Variants in CSPG4 observed in about 807,000 individuals in gnomAD.
CSPG4 encodes chondroitin sulfate proteoglycan 4 (melanoma-associated).
CSPG4 carries 74 observed loss-of-function variants against 139.3 expected under a neutral mutation model. That is an observed-to-expected ratio of 0.53 (90% CI 0.44 to 0.64). The LOEUF (loss-of-function observed/expected upper bound fraction) is 0.64, where lower values mean the gene tolerates loss of function less well. Among genes scored for constraint, CSPG4 ranks in the 30% least tolerant of loss-of-function variants. The pLI, the probability that CSPG4 is intolerant of heterozygous loss-of-function variation, is 0.00. For missense variants in CSPG4, 2,565 were observed against 3,148.3 expected (o/e 0.81, Z 4.43); for synonymous variants, 1,234 against 1,394.2 (o/e 0.89, Z 2.56).
At chr15:75,692,022 C>T (rs1014220448) in intron 2 of CSPG4, among the ~76,000 whole-genome samples, 1 of 152,142 alleles carries the variant, frequency 6.6e-6, no homozygotes, top group Non-Finnish European at 1.5e-5. Context: ...GTTCTTGTTG[C>T]CCAGGCTGAA....
intron 1 of CSPG4, among the ~76,000 whole-genome samples, chr15:75,706,950 GA>G (rs1377165645): frequency 7.6e-6 from 1 of 132,302 alleles, no homozygotes; most frequent in Non-Finnish European, 1.6e-5. Context: ...TCACACATAA[GA>G]ACTTTTTTTT....
Position 75,688,991 on chromosome 15 carries a change from C to T in CSPG4, c.2074G>A (p.Ala692Thr). 3 of 1,612,428 alleles carry T rather than the reference C, an allele frequency of 1.9e-6. No individual in the cohort carries two copies. The highest frequency in any genetic ancestry group is 1.7e-6 in the Non-Finnish European group (2 of 1,180,024). ...LPANLSVETN[A>T]VGQDVSVLFR... ...AGCACGCTCACATCCTGCCCCACGG[C>T]ATTGGTCTCCACCGACAGGTTGGCG... is the stretch of plus-strand genomic sequence containing the variant. The change falls in exon 3 of 10, where the codon GCC becomes ACC. Residue 692 changes from alanine to threonine, a missense_variant. By Grantham distance (58) the Ala-to-Thr change is moderately conservative (BLOSUM62 0). This residue lies in a region of CSPG4 where 2,316 missense variants were observed against 2,818.2 expected (regional missense o/e 0.82). Transcript: ENST00000308508.
Position 75,684,917 on chromosome 15 carries a change from G to A in CSPG4, c.4273-5C>T. 6.2e-7 allele frequency: 1 copy of A among 1,605,564 alleles called. No homozygotes were observed. Among genetic ancestry groups the A allele is most frequent in the African/African-American group, 1.3e-5 (1 of 74,922 alleles). On this transcript the variant is annotated splice_polypyrimidine_tract_variant and splice_region_variant and intron_variant, in intron 4 of 9. Transcript: ENST00000308508. ...GCGGATCAGCTGCTCTTCCACCTAG[G>A]GGCAGGCCCAGGGCTGGCAGTCAGG...
rs772229061 is a variant in CSPG4, at chr15:75,676,744, G to A, written c.5775C>T (p.Ala1925=). The change falls in exon 10 of 10, where the codon GCC becomes GCT. Residue 1925 remains alanine, a synonymous_variant. Coordinates refer to ENST00000308508, the MANE Select transcript of CSPG4 (RefSeq NM_001897.5). The part of the protein sequence containing the change: ...GIFQLSMSDG[A]SPPLPMSLAV... ...CCAGGGACATGGGCAGGGGTGGGCTGGCCCCATCAGACATGCTCAGCTGGA... is the reference window on the plus strand; with the variant it reads ...CCAGGGACATGGGCAGGGGTGGGCTAGCCCCATCAGACATGCTCAGCTGGA... 2 of 1,570,224 alleles carry A rather than the reference G, an allele frequency of 1.3e-6. No homozygotes were observed. The highest frequency in any genetic ancestry group is 1.8e-5 in the Admixed American group (1 of 55,686).
intron 9 of CSPG4, 123 bp from the exon 10 acceptor site, chr15:75,677,507 G>A (rs1237175546): frequency 8.1e-7 from 1 of 1,235,292 alleles, no homozygotes; most frequent in East Asian, 2.7e-5. Flanking sequence ...GTCCTCCAGG[G>A]TGGGGCTCAG....
In CSPG4 at chr15:75,690,810, G is replaced by C. The variant is rs181392114; in HGVS notation, c.255C>G (p.Val85=). 8.1e-6 allele frequency: 13 copies of C among 1,602,302 alleles called. No individual in the cohort carries two copies. The highest frequency in any genetic ancestry group is 1.3e-5 in the African/African-American group (1 of 74,750). Residue 85 remains valine, a splice_region_variant and synonymous_variant, in exon 3 of 10, where the codon GTC becomes GTG. Transcript: ENST00000308508. ...LLQLYSGRLQ[V]RLVLGQEELR... ...GCTCCTCCTGGCCCAGAACAAGTCT[G>C]ACCTGAAGAGAGATGGGGAGTGGGA...
At position 75,687,225 on chromosome 15, in the gene CSPG4, G is replaced by A; in HGVS notation, c.3789+51C>T. On this transcript the variant is annotated intron_variant, in intron 3 of 9. Transcript: ENST00000308508. The surrounding 1 kb of genome is among the most constrained non-coding windows in gnomAD (Gnocchi z 5.4). Reference sequence around the variant, plus strand: ...TGTGTTCCTGGCATGGAGGCTGGGAGAAGGCCCTCTACCTGGCCCACACCC... The same window carrying A: ...TGTGTTCCTGGCATGGAGGCTGGGAAAAGGCCCTCTACCTGGCCCACACCC... 6.3e-7 allele frequency: 1 copy of A among 1,598,500 alleles called. No individual in the cohort carries two copies.
intron 1 of CSPG4, among the ~76,000 whole-genome samples, chr15:75,703,318 C>T (rs1397640577): frequency 1.1e-3 from 167 of 149,320 alleles, no homozygotes; most frequent in African/African-American, 3.3e-3. Flanking sequence ...ACTGAGAGAT[C>T]GGGGGTGCTC....
rs1189730819 is a variant in CSPG4, at chr15:75,676,337, A to C, written c.6182T>G (p.Leu2061Arg). 5 of 1,612,488 alleles carry C rather than the reference A, an allele frequency of 3.1e-6. No homozygotes were observed. The Admixed American group carries it at 6.7e-5, about 22-fold the overall frequency. Residue 2061 changes from leucine to arginine, a missense_variant, in exon 10 of 10, where the codon CTG becomes CGG. Coordinates refer to ENST00000308508, the MANE Select transcript of CSPG4 (RefSeq NM_001897.5). ...AGGPWPQGATLRLDPTVLDAG... is the reference protein window; with the variant it reads ...AGGPWPQGATRRLDPTVLDAG... ...ATCTAGGACGGTGGGGTCCAGGCGC[A>C]GGGTGGCACCCTGGGGCCATGGCCC...
At chr15:75,685,118 C>A in intron 4 of CSPG4, 101 bp downstream of exon 4, 1 of 1,450,854 alleles carries the variant, frequency 6.9e-7, no homozygotes, top group Non-Finnish European at 9.3e-7. Context: ...GACTCCCCGT[C>A]TCCTCTCTGT....
chr15:75,712,770 C>A lies in CSPG4; in HGVS notation c.-15G>T. 1.3e-6 allele frequency: 2 copies of A among 1,536,394 alleles called. No homozygotes were observed. The highest frequency in any genetic ancestry group is 1.8e-6 in the Non-Finnish European group (2 of 1,140,242). ...CCGGACTGCATCCCGGCGGGCTGGGCGGCAGGACTTGCGAGGAGCCAGCGG... is the reference window on the plus strand; with the variant it reads ...CCGGACTGCATCCCGGCGGGCTGGGAGGCAGGACTTGCGAGGAGCCAGCGG... On this transcript the variant is annotated 5_prime_UTR_variant, in exon 1 of 10. Coordinates refer to ENST00000308508, the MANE Select transcript of CSPG4 (RefSeq NM_001897.5).
At position 75,677,066 on chromosome 15, in the gene CSPG4, G is replaced by A. The variant is rs1401944287; in HGVS notation, c.5453C>T (p.Ser1818Leu). ...CCTCACCGTGATGGCAAAGGCCTCT[G>A]AGGTTTGGGGTCCAGCCACGGAGGC... The part of the protein sequence containing the change: ...AGASVAGPQT[S>L]EAFAITVRDV... Residue 1818 changes from serine (S) to leucine (L), a missense_variant, in exon 10 of 10, where the codon TCA becomes TTA. Ser to Leu is a moderately radical substitution (Grantham distance 145). Transcript: ENST00000308508. 4.2e-6 allele frequency: 6 copies of A among 1,419,526 alleles called. No individual in the cohort carries two copies. Among genetic ancestry groups the A allele is most frequent in the Non-Finnish European group, 4.6e-6 (5 of 1,081,324 alleles). The allele number at this position is 1,419,526 out of a possible 1,614,324, so 87.9% of individuals were successfully genotyped here.
intron 8 of CSPG4, chr15:75,679,149 A>T: frequency 5.5e-6 from 1 of 181,634 alleles, no homozygotes; most frequent in Non-Finnish European, 1.1e-5. Context: ...TGAACCCCAG[A>T]CTCATGTTTC....
rs749534021 is a variant in CSPG4, at chr15:75,685,479, A to T, written c.4012T>A (p.Ser1338Thr). ...CCCTCGAGGGGAGCACCCAGGCCTG[A>T]GGCCACATCCAGCGAGAAGGCATCG... ...WSDAFSLDVA[S>T]GLGAPLEGVL... The change falls in exon 4 of 10, where the codon TCA becomes ACA. Residue 1338 changes from serine (S) to threonine (T), a missense_variant. Physicochemically the swap from Ser to Thr is moderately conservative, Grantham distance 58. This residue lies in a region of CSPG4 where 2,316 missense variants were observed against 2,818.2 expected (regional missense o/e 0.82). Transcript: ENST00000308508. 9.3e-6 allele frequency: 15 copies of T among 1,611,958 alleles called. No homozygotes were observed. Among genetic ancestry groups the T allele is most frequent in the Admixed American group, 1.7e-5 (1 of 59,960 alleles).
chr15:75,684,661 C>T, intron 5 of CSPG4, 75 bp downstream of exon 5: 1 of 1,424,272 alleles, frequency 7.0e-7, no homozygotes, highest in Non-Finnish European at 9.7e-7. Context: ...GCTGGGGGAG[C>T]TCTGAGCCGC....
chr15:75,677,008 G>A lies in CSPG4; in HGVS notation c.5511C>T (p.Ala1837=), dbSNP rs2141420757. 1 of 1,448,926 alleles carries A rather than the reference G, an allele frequency of 6.9e-7. No individual in the cohort carries two copies. The highest frequency in any genetic ancestry group is 1.5e-5 in the South Asian group (1 of 68,000). The allele number at this position is 1,448,926 out of a possible 1,614,324, so 89.8% of individuals were successfully genotyped here. A position where few individuals can be genotyped will look rare whatever the true frequency, so the allele number is the denominator to read the frequency against. ...CTCGGGTGAGCCGGAGTGGGACAGA[G>A]GCCTGTGGCTGAGGGGGCCGCTCAT... ...DVNERPPQPQ[A]SVPLRLTRGS... The change falls in exon 10 of 10, where the codon GCC becomes GCT. Residue 1837 remains alanine (A), a synonymous_variant. Transcript: ENST00000308508.
chr15:75,709,420 G>A (rs1894415946), intron 1 of CSPG4, among the ~76,000 whole-genome samples: 1 of 152,156 alleles, frequency 6.6e-6, no homozygotes, highest in African/African-American at 2.4e-5. Context: ...CATGCCCACA[G>A]GCCCCTTGTT....
At chr15:75,695,713 A>G (rs1196614417) in intron 1 of CSPG4, among the ~76,000 whole-genome samples, 3 of 151,974 alleles carry the variant, frequency 2.0e-5, no homozygotes, top group African/African-American at 7.3e-5. Context: ...GTGCAGAATT[A>G]AGATGTAATA....
At chr15:75,694,472 C>G (rs147495890) in intron 1 of CSPG4, among the ~76,000 whole-genome samples, 3 of 152,232 alleles carry the variant, frequency 2.0e-5, no homozygotes, top group African/African-American at 7.2e-5. Context: ...CCCTCAAACC[C>G]GAGAGCGAGC....
Sources: allele counts gnomAD v4.1 joint callset (sites outside exome capture counted in the v4.1 genomes callset), GRCh38; gene constraint gnomAD v4.1.1; regional missense constraint gnomAD v4.1.1; non-coding constraint Gnocchi (gnomAD v3.1); transcripts MANE v1.5; gene names NCBI Gene and HGNC (gene_info 2026-07-23, HGNC 2026-07-21).